SHISA9: variants seen among roughly 807,000 people sequenced by gnomAD.
SHISA9 encodes protein shisa-9.
A neutral mutation model predicts 38.0 loss-of-function variants in SHISA9; 13 were observed. That is an observed-to-expected ratio of 0.34 (90% CI 0.22 to 0.54). SHISA9 has a LOEUF of 0.54. Ranked by LOEUF, SHISA9 falls within the 20% of genes least tolerant of loss-of-function variation. The pLI is 0.91. For synonymous variants in SHISA9, 275 were observed against 242.0 expected (o/e 1.14, Z -1.27); for missense variants, 538 against 575.8 (o/e 0.93, Z 0.67).
rs1424325676 is a variant in SHISA9, at chr16:13,015,049, A to C, written c.691+98234A>C. 2.0e-5 allele frequency among the ~76,000 whole-genome samples: 3 copies of C among 152,172 alleles called. No homozygotes were observed. In the East Asian group the frequency reaches 5.8e-4, roughly 29 times the overall value. ...TTTCATCAGCATTGCTCTCCACATCATCAAAGCTACCATTTATTGATTGTC... is the reference window on the plus strand; with the variant it reads ...TTTCATCAGCATTGCTCTCCACATCCTCAAAGCTACCATTTATTGATTGTC... On this transcript the variant is annotated intron_variant, in intron 2 of 4. Transcript: ENST00000558583.
chr16:13,233,842 T>A (rs976372901), intron 4 of SHISA9, among the ~76,000 whole-genome samples: 2 of 152,016 alleles, frequency 1.3e-5, no homozygotes, highest in African/African-American at 4.8e-5. Context: ...GAAACCTCAT[T>A]TCTACAAACA....
intron 2 of SHISA9, among the ~76,000 whole-genome samples, chr16:13,017,693 AG>A (rs1269286465): frequency 1.3e-5 from 2 of 152,188 alleles, no homozygotes; most frequent in African/African-American, 4.8e-5. Flanking sequence ...TTTATAGGTA[AG>A]AAAAACTGAG....
chr16:13,113,290 T>C (rs554472538), intron 2 of SHISA9, among the ~76,000 whole-genome samples: 37 of 152,022 alleles, frequency 2.4e-4, no homozygotes, highest in African/African-American at 8.4e-4. Flanking sequence ...AGTGTTTTCA[T>C]TTGTTGCAGT....
At chr16:12,911,554 G>A (rs1194931328) in intron 1 of SHISA9, 5 of 198,414 alleles carry the variant, frequency 2.5e-5, no homozygotes, top group African/African-American at 1.2e-4. Flanking sequence ...TGCTAATTGT[G>A]ATGACTTCAT....
chr16:13,443,066 C>T, the SHISA9 span, among the ~76,000 whole-genome samples: 4 of 152,204 alleles, frequency 2.6e-5, no homozygotes, highest in Admixed American at 6.5e-5. Flanking sequence ...ACTCACAAGA[C>T]GGCCCATAAA....
the SHISA9 span, among the ~76,000 whole-genome samples, chr16:13,500,264 C>A: frequency 1.4e-4 from 22 of 152,178 alleles, no homozygotes; most frequent in African/African-American, 5.3e-4. Flanking sequence ...CTTGCTTTCC[C>A]TTCACCTTCC....
intron 2 of SHISA9, among the ~76,000 whole-genome samples, chr16:13,061,861 A>G (rs914509299): frequency 4.6e-5 from 7 of 152,240 alleles, no homozygotes; most frequent in Non-Finnish European, 8.8e-5. Flanking sequence ...CAAAGGCTAA[A>G]AAAGATATAG....
At chr16:13,116,458 T>G (rs780108696) in intron 2 of SHISA9, among the ~76,000 whole-genome samples, 6 of 152,138 alleles carry the variant, frequency 3.9e-5, no homozygotes, top group Non-Finnish European at 7.4e-5. Context: ...GAGCTGAAAT[T>G]TCAGATGTGA....
At chr16:13,167,078 T>TC (rs957877772) in intron 2 of SHISA9, among the ~76,000 whole-genome samples, 19 of 148,242 alleles carry the variant, frequency 1.3e-4, no homozygotes, top group East Asian at 3.9e-4. Context: ...TTTTCTTTTT[T>TC]TTTTTTTTTT....
the SHISA9 span, among the ~76,000 whole-genome samples, chr16:13,296,237 A>G: frequency 1.3e-5 from 2 of 151,598 alleles, no homozygotes; most frequent in East Asian, 1.9e-4. Flanking sequence ...TTTCTCTGCA[A>G]CATTCCCCAC....
At chr16:13,356,199 T>C in the SHISA9 span, among the ~76,000 whole-genome samples, 1 of 152,226 alleles carries the variant, frequency 6.6e-6, no homozygotes, top group Non-Finnish European at 1.5e-5. Flanking sequence ...AATTAAATCC[T>C]GTTGTGGGGT....
chr16:12,909,507 T>A (rs977798027), intron 1 of SHISA9: 37 of 985,280 alleles, frequency 3.8e-5, no homozygotes, highest in Admixed American at 6.1e-5. Flanking sequence ...TGTCATATAT[T>A]TGTCATTGTA....
intron 2 of SHISA9, among the ~76,000 whole-genome samples, chr16:13,144,363 G>T (rs1287595058): frequency 6.6e-6 from 1 of 152,034 alleles, no homozygotes; most frequent in South Asian, 2.1e-4. Flanking sequence ...ATGTTGGCCA[G>T]GATGGTCTCA....
At chr16:13,332,742 G>T in the SHISA9 span, among the ~76,000 whole-genome samples, 1 of 152,130 alleles carries the variant, frequency 6.6e-6, no homozygotes, top group East Asian at 1.9e-4. Context: ...ACCCCAGGAG[G>T]ACTCTCAGGA....
At chr16:12,934,021 G>A (rs2071495659) in intron 2 of SHISA9, among the ~76,000 whole-genome samples, 1 of 152,166 alleles carries the variant, frequency 6.6e-6, no homozygotes, top group African/African-American at 2.4e-5. Context: ...CTAGTGAAGA[G>A]TGGGGGGAAA....
At chr16:13,135,762 T>C (rs551250405) in intron 2 of SHISA9, among the ~76,000 whole-genome samples, 5 of 152,170 alleles carry the variant, frequency 3.3e-5, no homozygotes, top group Non-Finnish European at 7.3e-5. Context: ...AACAGCAAGA[T>C]AGATGCAAGG....
chr16:13,278,384 G>T, the SHISA9 span, among the ~76,000 whole-genome samples: 4 of 151,640 alleles, frequency 2.6e-5, no homozygotes, highest in African/African-American at 4.8e-5. Flanking sequence ...TTTCTCCTTT[G>T]GTTACGTCCT....
At chr16:13,252,101 T>A in the SHISA9 span, among the ~76,000 whole-genome samples, 1 of 152,170 alleles carries the variant, frequency 6.6e-6, no homozygotes, top group African/African-American at 2.4e-5. Context: ...GTCAAAATCC[T>A]TAAATCAAAG....
chr16:13,463,661 T>C, the SHISA9 span, among the ~76,000 whole-genome samples: 3 of 152,238 alleles, frequency 2.0e-5, no homozygotes, highest in Non-Finnish European at 4.4e-5. Flanking sequence ...AGAGCTTCCT[T>C]AGCAGATTCT....
Sources: gnomAD v4.1 joint callset for allele counts (sites outside exome capture counted in the v4.1 genomes callset) on GRCh38, gnomAD v4.1.1 for gene constraint, MANE v1.5 for transcripts, NCBI Gene and HGNC (gene_info 2026-07-23, HGNC 2026-07-21) for gene names.